SLC39A10: variants seen among roughly 807,000 people sequenced by gnomAD.
The protein encoded by SLC39A10 is zinc transporter ZIP10.
A neutral mutation model predicts 65.1 loss-of-function variants in SLC39A10; 13 were observed. That is an observed-to-expected ratio of 0.20 (90% confidence interval 0.13 to 0.32). The LOEUF (loss-of-function observed/expected upper bound fraction) is 0.32, where lower values mean the gene tolerates loss of function less well. Among genes scored for constraint, SLC39A10 ranks in the 10% least tolerant of loss-of-function variants. The pLI is 1.00. For missense variants in SLC39A10, 831 were observed against 1,018.4 expected (o/e 0.82, Z 2.50); for synonymous variants, 321 against 342.2 (o/e 0.94, Z 0.68).
intron 5 of SLC39A10, 145 bp from the exon 6 acceptor site, chr2:195,713,288 G>T: frequency 1.6e-6 from 1 of 621,408 alleles, no homozygotes; most frequent in Non-Finnish European, 2.5e-6. Context: ...TTACTCCCAA[G>T]AATTTTTTTT....
At chr2:195,625,981 A>C (rs1688464398) in intron 2 of SLC39A10, among the ~76,000 whole-genome samples, 1 of 152,110 alleles carries the variant, frequency 6.6e-6, no homozygotes, top group Non-Finnish European at 1.5e-5. Flanking sequence ...ACAGGGTTTC[A>C]CCACATTGCC....
chr2:195,651,472 T>G (rs1274596361), intron 2 of SLC39A10, among the ~76,000 whole-genome samples: 1 of 151,878 alleles, frequency 6.6e-6, no homozygotes, highest in Non-Finnish European at 1.5e-5. Flanking sequence ...ACATCTTCCT[T>G]TCCCAAATCT....
At chr2:195,682,864 A>T (rs34872835) in intron 2 of SLC39A10, among the ~76,000 whole-genome samples, 18 of 151,066 alleles carry the variant, frequency 1.2e-4, no homozygotes, top group Admixed American at 9.2e-4. Context: ...AAATAAAAAA[A>T]AAAAACTAAG....
chr2:195,614,092 G>A (rs970428540), intron 2 of SLC39A10, among the ~76,000 whole-genome samples: 8 of 152,216 alleles, frequency 5.3e-5, no homozygotes, highest in Admixed American at 2.0e-4. Context: ...TATCTTGTGA[G>A]ATCATTCATT....
chr2:195,681,470 A>G (rs970148959), intron 2 of SLC39A10, among the ~76,000 whole-genome samples: 1 of 152,190 alleles, frequency 6.6e-6, no homozygotes, highest in African/African-American at 2.4e-5. Flanking sequence ...GGTTGCAGTG[A>G]GCCGAGATCA....
chr2:195,716,913 G>T lies in SLC39A10; in HGVS notation c.1973G>T (p.Gly658Val), dbSNP rs2105827271. 6.2e-7 allele frequency: 1 copy of T among 1,614,180 alleles called. No homozygotes were observed. The highest frequency in any genetic ancestry group is 8.5e-7 in the Non-Finnish European group (1 of 1,180,034). The change falls in exon 7 of 10, where the codon GGA becomes GTA. Residue 658 changes from glycine (G) to valine (V), a missense_variant. Physicochemically the swap from Gly to Val is moderately radical, Grantham distance 109. Coordinates refer to ENST00000359634, the MANE Select transcript of SLC39A10 (RefSeq NM_020342.3). ...SHHSHGPCHSGSDLKETGIAN... is the reference protein window; with the variant it reads ...SHHSHGPCHSVSDLKETGIAN... ...CATTCCCATGGCCCCTGTCATTCTGGATCCGATCTGAAAGAAACAGGAATA... is the reference window on the plus strand; with the variant it reads ...CATTCCCATGGCCCCTGTCATTCTGTATCCGATCTGAAAGAAACAGGAATA...
intron 2 of SLC39A10, among the ~76,000 whole-genome samples, chr2:195,642,048 G>C (rs1688821136): frequency 6.6e-6 from 1 of 152,134 alleles, no homozygotes; most frequent in Non-Finnish European, 1.5e-5. Context: ...GATAATATGG[G>C]AGCAGATTAG....
chr2:195,699,110 A>C (rs2105799476), intron 3 of SLC39A10, among the ~76,000 whole-genome samples: 1 of 152,056 alleles, frequency 6.6e-6, no homozygotes, highest in East Asian at 1.9e-4. Flanking sequence ...TTCTATTATA[A>C]TCCTTTTTAT....
intron 8 of SLC39A10, among the ~76,000 whole-genome samples, chr2:195,724,864 C>T (rs1559050983): frequency 6.6e-6 from 1 of 151,918 alleles, no homozygotes; most frequent in Admixed American, 6.6e-5. Flanking sequence ...TGCAAAAGGG[C>T]AGCAAAGTTG....
At chr2:195,667,806 T>C (rs1689691458) in intron 1 of SLC39A10, among the ~76,000 whole-genome samples, 1 of 152,214 alleles carries the variant, frequency 6.6e-6, no homozygotes, top group Admixed American at 6.5e-5. Context: ...AAATACCACA[T>C]TTAATGGATA....
chr2:195,680,286 T>C lies in SLC39A10; in HGVS notation c.244T>C (p.Leu82=). 1 of 1,614,116 alleles carries C rather than the reference T, an allele frequency of 6.2e-7. No individual in the cohort carries two copies. The highest frequency in any genetic ancestry group is 8.5e-7 in the Non-Finnish European group (1 of 1,180,024). Residue 82 remains leucine, a synonymous_variant, in exon 2 of 10, where the codon TTG becomes CTG. Coordinates refer to ENST00000359634, the MANE Select transcript of SLC39A10 (RefSeq NM_020342.3). The part of the protein sequence containing the change: ...GENGRLSFFG[L]EKLLTNLGLG... ...AAATGGAAGATTATCCTTTTTTGGTTTGGAGAAACTTTTAACAAACTTGGG... is the reference window on the plus strand; with the variant it reads ...AAATGGAAGATTATCCTTTTTTGGTCTGGAGAAACTTTTAACAAACTTGGG...
At chr2:195,702,638 A>T (rs1416575220) in intron 3 of SLC39A10, among the ~76,000 whole-genome samples, 3 of 152,170 alleles carry the variant, frequency 2.0e-5, no homozygotes, top group African/African-American at 7.2e-5. Context: ...TAATTACAGG[A>T]TCATACTATT....
intron 2 of SLC39A10, among the ~76,000 whole-genome samples, chr2:195,646,414 A>G (rs1688916273): frequency 6.6e-6 from 1 of 152,188 alleles, no homozygotes. Flanking sequence ...TATTGCTGCT[A>G]TAACACATTA....
chr2:195,694,112 G>A (rs1307957077), intron 3 of SLC39A10, among the ~76,000 whole-genome samples: 5 of 152,144 alleles, frequency 3.3e-5, no homozygotes, highest in Admixed American at 2.6e-4. Context: ...ATGGCTTTAA[G>A]TGTTCCTTTT....
chr2:195,623,901 C>CCACA (rs67959883), intron 2 of SLC39A10, among the ~76,000 whole-genome samples: 4,313 of 142,902 alleles, frequency 0.03, 123 homozygotes, highest in African/African-American at 0.074. Flanking sequence ...AAACAAAAAA[C>CCACA]CACACACACA....
At chr2:195,729,489 T>C (rs1455393905) in intron 9 of SLC39A10, among the ~76,000 whole-genome samples, 1 of 152,182 alleles carries the variant, frequency 6.6e-6, no homozygotes, top group Non-Finnish European at 1.5e-5. Flanking sequence ...ATCCACAAGT[T>C]CTCATCATCA....
At chr2:195,734,732 C>T (rs1574328462) in intron 9 of SLC39A10, 151 bp from the exon 10 acceptor site, 1 of 728,814 alleles carries the variant, frequency 1.4e-6, no homozygotes, top group Non-Finnish European at 2.1e-6. Flanking sequence ...GACTAAAATA[C>T]ATCTGGTGGG....
chr2:195,685,099 T>G (rs1332501583), intron 3 of SLC39A10, among the ~76,000 whole-genome samples: 1 of 152,060 alleles, frequency 6.6e-6, no homozygotes, highest in African/African-American at 2.4e-5. Context: ...AAATGCATTT[T>G]TTTTTCACTA....
At chr2:195,664,964 C>A (rs376921148) in intron 1 of SLC39A10, among the ~76,000 whole-genome samples, 1 of 152,080 alleles carries the variant, frequency 6.6e-6, no homozygotes, top group Non-Finnish European at 1.5e-5. Context: ...GGGAGGATTA[C>A]TTAAGGCCAA....
Sources: allele counts gnomAD v4.1 joint callset (sites outside exome capture counted in the v4.1 genomes callset), GRCh38; gene constraint gnomAD v4.1.1; transcripts MANE v1.5; gene names NCBI Gene and HGNC (gene_info 2026-07-23, HGNC 2026-07-21).